Variants in LRBA observed in about 807,000 individuals in gnomAD.
LRBA encodes the protein LPS responsive beige-like anchor protein.
Under a neutral mutation model 330.0 loss-of-function variants are expected in LRBA, and 176 were observed. That is an observed-to-expected ratio of 0.53 (90% CI 0.47 to 0.60). The LOEUF is 0.60. LRBA is among the 20% of genes least tolerant of loss of function. The pLI is 0.00. For missense variants in LRBA, 3,259 were observed against 3,444.8 expected (o/e 0.95, Z 1.35); for synonymous variants, 1,230 against 1,193.0 (o/e 1.03, Z -0.64).
rs79661316 is a variant in LRBA at position 150,494,144 on chromosome 4, C to G, written c.6331-3109G>C. Among the ~76,000 whole-genome samples the G allele has an allele frequency of 1.5e-3, 230 of 152,166 alleles. 4 individuals are homozygous for G. The highest frequency in any genetic ancestry group is 5.4e-3 in the African/African-American group (225 of 41,542). ...ATGTTAAATATTTGATACAAAATTC[C>G]TTGGCAAGTTAGTGGCAGAAAATGG... On this transcript the variant is annotated intron_variant, in intron 40 of 56. Coordinates refer to ENST00000651943, the MANE Select transcript of LRBA (RefSeq NM_001364905.1).
intron 47 of LRBA, among the ~76,000 whole-genome samples, chr4:150,404,969 A>G (rs1329218224): frequency 6.6e-6 from 1 of 152,240 alleles, no homozygotes; most frequent in Non-Finnish European, 1.5e-5. Context: ...AATCTAGAAC[A>G]CAGTCAAACT....
At chr4:150,731,343 T>C (rs1351054588) in intron 36 of LRBA, among the ~76,000 whole-genome samples, 1 of 152,204 alleles carries the variant, frequency 6.6e-6, no homozygotes, top group Non-Finnish European at 1.5e-5. Context: ...TGTACTCTCA[T>C]GTTTGTTGCA....
intron 36 of LRBA, among the ~76,000 whole-genome samples, chr4:150,694,900 C>A (rs1784494546): frequency 6.6e-6 from 1 of 152,022 alleles, no homozygotes; most frequent in Admixed American, 6.6e-5. Flanking sequence ...TAATAAAAAA[C>A]TTGTTTCAAA....
chr4:150,499,561 G>A (rs988082875), intron 40 of LRBA, among the ~76,000 whole-genome samples: 1 of 151,948 alleles, frequency 6.6e-6, no homozygotes, highest in Non-Finnish European at 1.5e-5. Context: ...GACTGCTCGA[G>A]CCCAGAAATT....
chr4:150,721,025 G>C, intron 36 of LRBA: 1 of 541,512 alleles, frequency 1.8e-6, no homozygotes, highest in Non-Finnish European at 3.7e-6. Context: ...ATTTGACTGA[G>C]GAACAGAAGG....
chr4:150,892,262 T>C (rs763288353), intron 17 of LRBA, among the ~76,000 whole-genome samples: 1 of 152,252 alleles, frequency 6.6e-6, no homozygotes, highest in Non-Finnish European at 1.5e-5. Flanking sequence ...GTTTTTGTTG[T>C]TGATGACTGT....
intron 22 of LRBA, among the ~76,000 whole-genome samples, chr4:150,858,497 G>A (rs1751497427): frequency 6.6e-6 from 1 of 152,014 alleles, no homozygotes; most frequent in Admixed American, 6.6e-5. Flanking sequence ...GCAAAGTGCT[G>A]ATAATCCATG....
intron 34 of LRBA, among the ~76,000 whole-genome samples, chr4:150,781,693 G>A (rs1324979521): frequency 6.6e-6 from 1 of 152,138 alleles, no homozygotes; most frequent in African/African-American, 2.4e-5. Flanking sequence ...AATCAACAGT[G>A]CATCTCTCTA....
chr4:150,765,006 T>G (rs1045020091), intron 34 of LRBA, among the ~76,000 whole-genome samples: 2 of 151,504 alleles, frequency 1.3e-5, no homozygotes, highest in African/African-American at 4.8e-5. Flanking sequence ...ATGCCAAAAC[T>G]TAGAAGCAAA....
intron 55 of LRBA, among the ~76,000 whole-genome samples, chr4:150,278,409 T>C (rs560818595): frequency 6.6e-6 from 1 of 152,270 alleles, no homozygotes; most frequent in African/African-American, 2.4e-5. Context: ...ACATCCCCTC[T>C]AATCCCCTGC....
chr4:150,727,339 G>T (rs1298958343), intron 36 of LRBA, among the ~76,000 whole-genome samples: 1 of 152,016 alleles, frequency 6.6e-6, no homozygotes, highest in Non-Finnish European at 1.5e-5. Flanking sequence ...CTCCCAAAGT[G>T]CTGGGATTAC....
intron 2 of LRBA, among the ~76,000 whole-genome samples, chr4:150,950,334 A>T (rs1384178621): frequency 6.6e-6 from 1 of 152,214 alleles, no homozygotes; most frequent in Non-Finnish European, 1.5e-5. Context: ...TTCATATTCA[A>T]ATCAATTTGA....
At chr4:150,419,387 C>T (rs968225778) in intron 46 of LRBA, among the ~76,000 whole-genome samples, 1 of 151,968 alleles carries the variant, frequency 6.6e-6, no homozygotes, top group Non-Finnish European at 1.5e-5. Context: ...ATGAAGAAAA[C>T]GATGGACTAA....
At chr4:150,395,857 T>C (rs1169202382) in intron 47 of LRBA, among the ~76,000 whole-genome samples, 9 of 152,212 alleles carry the variant, frequency 5.9e-5, no homozygotes, top group Admixed American at 2.0e-4. Context: ...TTTTAATCAA[T>C]TGCTATTTAG....
intron 40 of LRBA, among the ~76,000 whole-genome samples, chr4:150,541,300 A>G (rs1271876735): frequency 6.6e-6 from 1 of 152,202 alleles, no homozygotes; most frequent in South Asian, 2.1e-4. Context: ...CCCAGCTTCT[A>G]CTTATCTCTT....
intron 11 of LRBA, 51 bp from the exon 12 acceptor site, chr4:150,906,456 T>A (rs774760265): frequency 2.3e-5 from 24 of 1,029,876 alleles, no homozygotes; most frequent in African/African-American, 1.3e-4. Context: ...CTATTTTTTT[T>A]AAATTAGGTT....
At chr4:150,905,433 T>C (rs1271148407) in intron 13 of LRBA, among the ~76,000 whole-genome samples, 1 of 151,962 alleles carries the variant, frequency 6.6e-6, no homozygotes, top group East Asian at 1.9e-4. Flanking sequence ...TATGGATATT[T>C]ACAATGGAAC....
chr4:150,929,613 T>C (rs1484819105), intron 2 of LRBA, among the ~76,000 whole-genome samples: 1 of 152,186 alleles, frequency 6.6e-6, no homozygotes, highest in Non-Finnish European at 1.5e-5. Flanking sequence ...CCAAAGTCAG[T>C]AACCAAGAAA....
intron 34 of LRBA, among the ~76,000 whole-genome samples, chr4:150,786,325 G>T (rs187556401): frequency 4.7e-5 from 7 of 148,954 alleles, no homozygotes; most frequent in Non-Finnish European, 1.0e-4. Context: ...CTCACCGCAA[G>T]TTCCGCCTCC....
Sources: allele counts gnomAD v4.1 joint callset (sites outside exome capture counted in the v4.1 genomes callset), GRCh38; gene constraint gnomAD v4.1.1; transcripts MANE v1.5; gene names NCBI Gene and HGNC (gene_info 2026-07-23, HGNC 2026-07-21).